Variants in MCF2 observed in about 807,000 individuals in gnomAD.
MCF2 encodes the protein MCF.2 cell line derived transforming sequence.
MCF2 carries 44 observed loss-of-function variants against 82.5 expected under a neutral mutation model. That is an observed-to-expected ratio of 0.53 (90% CI 0.42 to 0.69). The LOEUF (loss-of-function observed/expected upper bound fraction) is 0.69. Among genes scored for constraint, MCF2 ranks in the 30% least tolerant of loss-of-function variants. MCF2 has a pLI of 0.00. For synonymous variants in MCF2, 217 were observed against 224.9 expected, an observed-to-expected ratio of 0.96 and a Z score of 0.32; for missense variants, 623 against 663.1, an observed-to-expected ratio of 0.94 and a Z score of 0.66.
chrX:139,586,549 T>A, intron 22 of MCF2, 62 bp from the exon 27 acceptor site: 2 of 778,684 alleles, frequency 2.6e-6, no homozygotes, highest in South Asian at 2.4e-5. Context: ...AAAAGAAATT[T>A]AAAGTGGTAT....
chrX:139,659,486 T>TA (rs1934297543), intron 1 of MCF2, among the ~76,000 whole-genome samples: 1 of 111,335 alleles, frequency 9.0e-6, no homozygotes, highest in African/African-American at 3.3e-5. Flanking sequence ...AACATTTTTT[T>TA]ACTTCAGATC....
At chrX:139,680,443 G>C (rs1156282419) in intron 1 of MCF2, among the ~76,000 whole-genome samples, 1 of 111,986 alleles carries the variant, frequency 8.9e-6, no homozygotes, top group Non-Finnish European at 1.9e-5. Context: ...CAGAAATGTG[G>C]GGAAAAGGCA....
chrX:139,683,506 G>A (rs937067142), intron 1 of MCF2, among the ~76,000 whole-genome samples: 2 of 111,985 alleles, frequency 1.8e-5, no homozygotes, highest in East Asian at 5.6e-4. Context: ...ATATGGATAC[G>A]CAAGGGACCT....
At chrX:139,589,856 C>T in exon 20 of MCF2, 1 of 1,197,146 alleles carries the variant, frequency 8.4e-7, no homozygotes, top group Non-Finnish European at 1.1e-6. Context: ...AAACTTCTTC[C>T]TTTTCACCAT....
chrX:139,673,806 G>C (rs1412533311), intron 1 of MCF2, among the ~76,000 whole-genome samples: 2 of 111,786 alleles, frequency 1.8e-5, no homozygotes, highest in African/African-American at 3.3e-5. Context: ...ATTTGGGGTG[G>C]AGAGTTCTGT....
intron 12 of MCF2, chrX:139,607,047 C>T (rs1931081900): frequency 9.0e-6 from 1 of 111,067 alleles, no homozygotes; most frequent in African/African-American, 3.3e-5. Context: ...TATAAAATAA[C>T]ATTGTATCAA....
intron 1 of MCF2, among the ~76,000 whole-genome samples, chrX:139,682,961 A>C (rs1273251140): frequency 1.8e-5 from 2 of 111,087 alleles, no homozygotes; most frequent in Non-Finnish European, 3.8e-5. Flanking sequence ...TTAGGGTCTC[A>C]CTCTGTCACC....
In MCF2 at chrX:139,693,509, CACACAT is replaced by C. The variant is rs900235132; in HGVS notation, c.-45+14591_-45+14596del. 6.4e-5 allele frequency among the ~76,000 whole-genome samples: 7 copies of C among 109,474 alleles called. No individual in the cohort carries two copies. In the South Asian group the frequency reaches 1.2e-3, roughly 19 times the overall value. ...ACACACACACACACACACACACACA[CACACAT>C]GTCCCCCCTACAAGCACACACCTCT... On this transcript the variant is annotated intron_variant, in intron 1 of 27. Coordinates refer to the MCF2 transcript ENST00000414978.
At chrX:139,593,767 C>G (rs991479941) in intron 19 of MCF2, among the ~76,000 whole-genome samples, 1 of 111,087 alleles carries the variant, frequency 9.0e-6, no homozygotes, top group African/African-American at 3.3e-5. Flanking sequence ...AGCATATAAA[C>G]AGAACCAAAC....
chrX:139,620,054 C>A, intron 6 of MCF2, among the ~76,000 whole-genome samples: 1 of 99,735 alleles, frequency 1.0e-5, no homozygotes, highest in South Asian at 4.6e-4. Flanking sequence ...ATATCTAAAA[C>A]AAAATCTTAC....
chrX:139,582,515 G>A lies in MCF2; in HGVS notation c.2746-12C>T. 8.4e-7 allele frequency: 1 copy of A among 1,187,264 alleles called. No homozygotes were observed. The highest frequency in any genetic ancestry group is 1.1e-6 in the Non-Finnish European group (1 of 875,083). ...TCCGACACAGGTCTCTACAAGGGAA[G>A]CAGCACCCATTATTGCTCAGTTTAC... is the stretch of plus-strand genomic sequence containing the variant. On this transcript the variant is annotated splice_polypyrimidine_tract_variant and intron_variant, in intron 24 of 24. Transcript: ENST00000370576.
intron 1 of MCF2, among the ~76,000 whole-genome samples, chrX:139,697,063 G>A (rs973580684): frequency 1.8e-5 from 2 of 111,833 alleles, no homozygotes; most frequent in African/African-American, 6.5e-5. Context: ...CTAAATCCAT[G>A]TGACACAGAT....
chrX:139,605,561 G>T, intron 13 of MCF2, 152 bp downstream of exon 17: 1 of 436,644 alleles, frequency 2.3e-6, no homozygotes, highest in Non-Finnish European at 4.0e-6. Context: ...TAACCGACAT[G>T]CTGCATCAAA....
At chrX:139,614,791 G>T in intron 10 of MCF2, 90 bp downstream of exon 13, 4 of 841,611 alleles carry the variant, frequency 4.8e-6, no homozygotes, top group Non-Finnish European at 6.8e-6. Flanking sequence ...TCATCTATCC[G>T]CATTGAAGAA....
chrX:139,585,078 A>G (rs1928829620), exon 24 of MCF2: 1 of 1,190,100 alleles, frequency 8.4e-7, no homozygotes, highest in Non-Finnish European at 1.1e-6. Flanking sequence ...TGAGGGGCCT[A>G]TTTTCTTCTT....
At chrX:139,634,272 A>G (rs1307117815) in intron 1 of MCF2, among the ~76,000 whole-genome samples, 4 of 112,275 alleles carry the variant, frequency 3.6e-5, no homozygotes, top group Non-Finnish European at 7.5e-5. Context: ...TAGTAATTAA[A>G]CAAAACTATA....
exon 9 of MCF2, chrX:139,616,394 T>C: frequency 8.4e-7 from 1 of 1,186,614 alleles, no homozygotes; most frequent in Non-Finnish European, 1.1e-6. Flanking sequence ...GAGAGCTTTC[T>C]GAGCATCTTC....
At chrX:139,599,731 A>G (rs1052157571) in intron 16 of MCF2, among the ~76,000 whole-genome samples, 4 of 111,909 alleles carry the variant, frequency 3.6e-5, no homozygotes, top group African/African-American at 1.3e-4. Flanking sequence ...ACGGTGCAGT[A>G]ACTTTGGAAA....
At chrX:139,583,555 C>T (rs1928654607) in intron 24 of MCF2, among the ~76,000 whole-genome samples, 1 of 110,806 alleles carries the variant, frequency 9.0e-6, no homozygotes, top group African/African-American at 3.3e-5. Flanking sequence ...GCATTGGGTA[C>T]ACGTGGACAC....
Sources: gnomAD v4.1 joint callset for allele counts (sites outside exome capture counted in the v4.1 genomes callset) on GRCh38, gnomAD v4.1.1 for gene constraint, MANE v1.5 for transcripts, NCBI Gene and HGNC (gene_info 2026-07-23, HGNC 2026-07-21) for gene names.